Variants in PLD1 observed in about 807,000 individuals in gnomAD.
PLD1 encodes phospholipase D1.
Under a neutral mutation model 137.1 loss-of-function variants are expected in PLD1, and 112 were observed. The observed-to-expected ratio is 0.82, with a 90% confidence interval of 0.70 to 0.96. PLD1 has a LOEUF of 0.96. Ranked by LOEUF, PLD1 falls within the 40% of genes least tolerant of loss-of-function variation. PLD1 has a pLI of 0.00. For synonymous variants in PLD1, 431 were observed against 454.7 expected (o/e 0.95, Z 0.66); for missense variants, 1,321 against 1,342.0 (o/e 0.98, Z 0.24).
chr3:171,649,788 T>C (rs1274538791), intron 21 of PLD1, among the ~76,000 whole-genome samples: 1 of 152,186 alleles, frequency 6.6e-6, no homozygotes, highest in African/African-American at 2.4e-5. Context: ...CTAACTCTTA[T>C]GGCAGTGCTA....
At chr3:171,714,648 A>G (rs1717537055) in intron 8 of PLD1, among the ~76,000 whole-genome samples, 1 of 152,244 alleles carries the variant, frequency 6.6e-6, no homozygotes, top group African/African-American at 2.4e-5. Context: ...TATCTATAAT[A>G]AATCTTTACT....
intron 21 of PLD1, among the ~76,000 whole-genome samples, chr3:171,658,821 TA>T (rs542228937): frequency 4.6e-4 from 69 of 150,000 alleles, no homozygotes; most frequent in African/African-American, 1.2e-3. Context: ...AACCAATTAT[TA>T]AAAAAAAAAT....
At chr3:171,673,407 G>C (rs533929062) in intron 19 of PLD1, among the ~76,000 whole-genome samples, 2 of 151,624 alleles carry the variant, frequency 1.3e-5, no homozygotes, top group Admixed American at 6.6e-5. Flanking sequence ...TCAGCCTCCC[G>C]AGTAGCTAGG....
intron 6 of PLD1, among the ~76,000 whole-genome samples, chr3:171,730,563 A>G (rs561191296): frequency 6.6e-6 from 1 of 152,276 alleles, no homozygotes; most frequent in South Asian, 2.1e-4. Context: ...TAAGAAAAAT[A>G]ATGTCAGTGC....
chr3:171,681,590 A>T (rs73879805), intron 16 of PLD1, among the ~76,000 whole-genome samples: 35,395 of 152,096 alleles, frequency 0.23, 4,402 homozygotes, highest in Admixed American at 0.3. Context: ...GTTATATTTT[A>T]AAAAATATTT....
At chr3:171,731,355 G>T (rs1482133519) in intron 6 of PLD1, among the ~76,000 whole-genome samples, 1 of 152,206 alleles carries the variant, frequency 6.6e-6, no homozygotes, top group Non-Finnish European at 1.5e-5. Context: ...GAGGTCTACA[G>T]ATCTAGTCTT....
chr3:171,769,727 G>A (rs1334440767), intron 1 of PLD1, among the ~76,000 whole-genome samples: 2 of 152,114 alleles, frequency 1.3e-5, no homozygotes, highest in African/African-American at 2.4e-5. Flanking sequence ...TTAAAGTTTA[G>A]CATATCACCT....
intron 21 of PLD1, chr3:171,654,436 A>C: frequency 5.2e-6 from 1 of 190,552 alleles, no homozygotes; most frequent in South Asian, 7.3e-5. Flanking sequence ...GACTATTTTC[A>C]TTGTGTGTGT....
At chr3:171,789,261 A>T (rs776165940) in intron 1 of PLD1, 2 of 152,272 alleles carry the variant, frequency 1.3e-5, no homozygotes, top group Non-Finnish European at 2.9e-5. Flanking sequence ...AGCCCTGCAG[A>T]GGGCGTGGGA....
At position 171,704,457 on chromosome 3, in the gene PLD1, G is replaced by GAAAAA. The variant is rs1362665761; in HGVS notation, c.1145+4297_1145+4298insTTTTT. Among the ~76,000 whole-genome samples, 356 of 97,962 alleles carry GAAAAA rather than the reference G, an allele frequency of 3.6e-3. 6 individuals are homozygous for GAAAAA. Among genetic ancestry groups the GAAAAA allele is most frequent in the African/African-American group, 0.015 (333 of 21,618 alleles). The allele number at this position is 97,962 out of a possible 152,430, so 64.3% of individuals were successfully genotyped here. On this transcript the variant is annotated intron_variant, in intron 11 of 26. Transcript: ENST00000351298. ...AAAGTACCTGGCACACAAAGAACCA[G>GAAAAA]GAAAAAAAAAAAAAAAAAAACCTTA...
At chr3:171,763,604 T>TATAC (rs1230136930) in intron 1 of PLD1, among the ~76,000 whole-genome samples, 1 of 151,642 alleles carries the variant, frequency 6.6e-6, no homozygotes, top group African/African-American at 2.4e-5. Context: ...GAACCTGCTG[T>TATAC]ATACATGTTG....
Position 171,662,078 on chromosome 3 carries a change from C to A in PLD1, c.2322G>T (p.Arg774Ser). 6.2e-7 allele frequency: 1 copy of A among 1,600,186 alleles called. No homozygotes were observed. Among genetic ancestry groups the A allele is most frequent in the South Asian group, 1.1e-5 (1 of 90,716 alleles). Residue 774 changes from arginine to serine, a missense_variant, in exon 20 of 27, where the codon AGG (arginine) becomes AGT (serine). By Grantham distance (110) the Arg-to-Ser change is moderately radical (BLOSUM62 -1). Coordinates refer to ENST00000351298, the MANE Select transcript of PLD1 (RefSeq NM_002662.5). ...GACTTACTTCGATATAGATATAGTGCCTGCTGTTCTCTATCACATGGACGT... is the reference window on the plus strand; with the variant it reads ...GACTTACTTCGATATAGATATAGTGACTGCTGTTCTCTATCACATGGACGT... ...AAYVHVIENS[R>S]HYIYIENQFF...
At chr3:171,623,053 G>A (rs920125862) in intron 23 of PLD1, among the ~76,000 whole-genome samples, 3 of 152,036 alleles carry the variant, frequency 2.0e-5, no homozygotes, top group Non-Finnish European at 2.9e-5. Flanking sequence ...CAAATGGAAA[G>A]ATTGCTCTTG....
chr3:171,728,040 T>G (rs1472811436), intron 6 of PLD1, among the ~76,000 whole-genome samples: 1 of 152,244 alleles, frequency 6.6e-6, no homozygotes, highest in African/African-American at 2.4e-5. Context: ...TCAGGCATAG[T>G]GGCTCACGCC....
At chr3:171,619,102 T>A (rs961713836) in intron 24 of PLD1, among the ~76,000 whole-genome samples, 1 of 152,180 alleles carries the variant, frequency 6.6e-6, no homozygotes, top group Non-Finnish European at 1.5e-5. Flanking sequence ...TTATAGCTGA[T>A]AAACTACATT....
intron 16 of PLD1, among the ~76,000 whole-genome samples, chr3:171,684,037 C>T (rs1714290374): frequency 1.3e-5 from 2 of 152,142 alleles, no homozygotes; most frequent in Admixed American, 1.3e-4. Flanking sequence ...CTACACTAGA[C>T]ATATATTCAG....
At chr3:171,623,858 A>AT (rs370211666) in intron 23 of PLD1, among the ~76,000 whole-genome samples, 2 of 152,032 alleles carry the variant, frequency 1.3e-5, no homozygotes, top group Non-Finnish European at 2.9e-5. Context: ...AAAACTCCAA[A>AT]TTTTTTTTAA....
At chr3:171,631,867 T>G (rs1052171713) in intron 23 of PLD1, among the ~76,000 whole-genome samples, 1 of 152,054 alleles carries the variant, frequency 6.6e-6, no homozygotes, top group Non-Finnish European at 1.5e-5. Flanking sequence ...TAGAAAAAAA[T>G]GATGGAATCA....
chr3:171,638,729 C>G (rs187872946), intron 23 of PLD1, among the ~76,000 whole-genome samples: 30 of 152,248 alleles, frequency 2.0e-4, no homozygotes, highest in Non-Finnish European at 3.7e-4. Context: ...TACCATTAAT[C>G]GTATGTATCA....
Sources: allele counts gnomAD v4.1 joint callset (sites outside exome capture counted in the v4.1 genomes callset), GRCh38; gene constraint gnomAD v4.1.1; transcripts MANE v1.5; gene names NCBI Gene and HGNC (gene_info 2026-07-23, HGNC 2026-07-21).